Variants in DYM observed in about 807,000 individuals in gnomAD.
DYM encodes the protein dymeclin, also known as dyggve-Melchior-Clausen syndrome protein.
DYM carries 78 observed loss-of-function variants against 93.1 expected under a neutral mutation model. The observed-to-expected ratio is 0.84, with a 90% CI of 0.70 to 1.01. The LOEUF (loss-of-function observed/expected upper bound fraction) is 1.01, where lower values mean the gene tolerates loss of function less well. DYM is among the 50% of genes least tolerant of loss of function. The probability of loss-of-function intolerance (pLI) is 0.00; values close to 1 mark genes in which losing one functional copy is unlikely to be tolerated. For synonymous variants in DYM, 321 were observed against 319.7 expected (o/e 1.00, Z -0.04); for missense variants, 789 against 845.0 (o/e 0.93, Z 0.82).
chr18:49,080,593 ACCC>A (rs1248840099), intron 17 of DYM, among the ~76,000 whole-genome samples: 5 of 97,322 alleles, frequency 5.1e-5, no homozygotes, highest in African/African-American at 8.5e-5. Flanking sequence ...GCGGGGGCTG[ACCC>A]CCCCACCTCC....
chr18:49,083,877 C>T (rs758783308), intron 17 of DYM, among the ~76,000 whole-genome samples: 1 of 151,952 alleles, frequency 6.6e-6, no homozygotes, highest in African/African-American at 2.4e-5. Flanking sequence ...TAATCTGTGT[C>T]TCTTCTTTTT....
chr18:49,268,142 G>A (rs1425742809), intron 11 of DYM, among the ~76,000 whole-genome samples: 2 of 151,908 alleles, frequency 1.3e-5, no homozygotes, highest in African/African-American at 4.8e-5. Context: ...TGTATCATTG[G>A]GTATTAAGAA....
intron 13 of DYM, among the ~76,000 whole-genome samples, chr18:49,227,206 G>A (rs1031275219): frequency 2.0e-5 from 3 of 152,074 alleles, no homozygotes; most frequent in Admixed American, 6.6e-5. Context: ...TTGGCAAAAC[G>A]ATTTATAGCC....
At chr18:49,363,873 T>G (rs1307687867) in intron 5 of DYM, among the ~76,000 whole-genome samples, 4 of 152,206 alleles carry the variant, frequency 2.6e-5, no homozygotes, top group Admixed American at 2.0e-4. Flanking sequence ...CCCAAACTAC[T>G]ACAGGTAAGT....
intron 8 of DYM, among the ~76,000 whole-genome samples, chr18:49,309,643 A>AG (rs2061473391): frequency 2.0e-5 from 3 of 152,200 alleles, no homozygotes; most frequent in Admixed American, 2.0e-4. Context: ...TCTAAAAAAA[A>AG]CAAATGTTTT....
intron 15 of DYM, among the ~76,000 whole-genome samples, chr18:49,156,147 G>A (rs1411777167): frequency 6.6e-6 from 1 of 152,178 alleles, no homozygotes; most frequent in Non-Finnish European, 1.5e-5. Flanking sequence ...AGCCAATGAT[G>A]TTGAGTATAT....
intron 15 of DYM, among the ~76,000 whole-genome samples, chr18:49,147,075 GACAAAA>G (rs2085241402): frequency 6.6e-6 from 1 of 151,962 alleles, no homozygotes; most frequent in Admixed American, 6.6e-5. Context: ...TGACAAACCT[GACAAAA>G]ACAAGAAATG....
intron 5 of DYM, among the ~76,000 whole-genome samples, chr18:49,371,500 C>T (rs2147531787): frequency 6.6e-6 from 1 of 152,196 alleles, no homozygotes; most frequent in Non-Finnish European, 1.5e-5. Context: ...CAATCAATGA[C>T]ATCAAATACA....
intron 8 of DYM, among the ~76,000 whole-genome samples, chr18:49,306,073 A>T (rs1252691094): frequency 6.6e-6 from 1 of 152,256 alleles, no homozygotes; most frequent in Non-Finnish European, 1.5e-5. Flanking sequence ...GCTGAAAAGA[A>T]GATTAGTGGA....
At chr18:49,342,728 G>A (rs1418739506) in intron 6 of DYM, among the ~76,000 whole-genome samples, 1 of 152,144 alleles carries the variant, frequency 6.6e-6, no homozygotes, top group Non-Finnish European at 1.5e-5. Context: ...CCCTTTCTAT[G>A]TTTAGATATG....
intron 14 of DYM, among the ~76,000 whole-genome samples, chr18:49,194,906 G>T (rs1165146277): frequency 2.6e-5 from 4 of 151,942 alleles, no homozygotes; most frequent in Non-Finnish European, 5.9e-5. Context: ...TACTACTATT[G>T]CAGTCATTAG....
intron 6 of DYM, among the ~76,000 whole-genome samples, chr18:49,349,263 T>C (rs1029262825): frequency 6.6e-6 from 1 of 152,140 alleles, no homozygotes; most frequent in Non-Finnish European, 1.5e-5. Flanking sequence ...TGAACTTTTA[T>C]TAACTTAAAT....
chr18:49,182,187 C>T (rs1272466234), intron 14 of DYM, among the ~76,000 whole-genome samples: 1 of 152,036 alleles, frequency 6.6e-6, no homozygotes, highest in African/African-American at 2.4e-5. Context: ...ATCTTATAAC[C>T]TGAATCTTAC....
chr18:49,368,087 T>G (rs1455779793), intron 5 of DYM, among the ~76,000 whole-genome samples: 3 of 152,208 alleles, frequency 2.0e-5, no homozygotes, highest in African/African-American at 7.2e-5. Flanking sequence ...AAAAGTGATC[T>G]GCATTTCAGT....
At chr18:49,178,951 T>C (rs1184302722) in intron 14 of DYM, among the ~76,000 whole-genome samples, 2 of 151,490 alleles carry the variant, frequency 1.3e-5, no homozygotes, top group Non-Finnish European at 2.9e-5. Flanking sequence ...CATAAATTCA[T>C]GCTTCGTGCT....
chr18:49,167,066 G>C (rs772748918), intron 14 of DYM, among the ~76,000 whole-genome samples: 35 of 151,216 alleles, frequency 2.3e-4, no homozygotes, highest in Non-Finnish European at 4.9e-4. Context: ...TGCACTATCA[G>C]AGAACAATAG....
intron 1 of DYM, among the ~76,000 whole-genome samples, chr18:49,436,562 T>C (rs924207773): frequency 2.0e-5 from 3 of 152,206 alleles, no homozygotes; most frequent in Non-Finnish European, 4.4e-5. Flanking sequence ...ATAAACCATA[T>C]GTTTAAACAA....
Position 49,301,837 on chromosome 18 carries a change from T to C in DYM, c.764-15221A>G, listed in dbSNP as rs188964791. Among the ~76,000 whole-genome samples, 14 of 152,308 alleles carry C rather than the reference T, an allele frequency of 9.2e-5. No homozygotes were observed. In the East Asian group the frequency reaches 2.5e-3, roughly 27 times the overall value. ...GTGGCACCTGCACTTGGTCTATCTG[T>C]CAGGAAGTCACAGTCATGTGTGGTG... On this transcript the variant is annotated intron_variant, in intron 8 of 17. Transcript: ENST00000675505.
chr18:49,254,804 A>C (rs1046488381), intron 13 of DYM, among the ~76,000 whole-genome samples: 3 of 152,244 alleles, frequency 2.0e-5, no homozygotes, highest in Non-Finnish European at 4.4e-5. Context: ...AACCATTATA[A>C]AACTGCACAT....
Sources: gnomAD v4.1 joint callset for allele counts (sites outside exome capture counted in the v4.1 genomes callset) on GRCh38, gnomAD v4.1.1 for gene constraint, MANE v1.5 for transcripts, NCBI Gene and HGNC (gene_info 2026-07-23, HGNC 2026-07-21) for gene names.